TXNRD1: variants seen among roughly 807,000 people sequenced by gnomAD.
TXNRD1 encodes the protein thioredoxin reductase 1, also known as thioredoxin reductase 1, cytoplasmic.
TXNRD1 carries 57 observed loss-of-function variants against 80.3 expected under a neutral mutation model. That is an observed-to-expected ratio of 0.71 (90% confidence interval 0.57 to 0.89). TXNRD1 has a LOEUF of 0.89. Among genes scored for constraint, TXNRD1 ranks in the 40% least tolerant of loss-of-function variants. The pLI is 0.00. For synonymous variants in TXNRD1, 291 were observed against 285.2 expected (o/e 1.02, Z -0.20); for missense variants, 730 against 803.0 (o/e 0.91, Z 1.10).
At chr12:104,290,742 T>C (rs1462330240) in intron 4 of TXNRD1, among the ~76,000 whole-genome samples, 1 of 113,446 alleles carries the variant, frequency 8.8e-6, no homozygotes, top group Non-Finnish European at 1.8e-5. Context: ...TATATATATA[T>C]ATATATATAT....
intron 3 of TXNRD1, chr12:104,287,146 G>A: frequency 6.5e-7 from 1 of 1,534,688 alleles, no homozygotes; most frequent in Non-Finnish European, 8.7e-7. Flanking sequence ...ACAAAGCCGC[G>A]AGCCCAGGGA....
rs1378811279 is a variant in TXNRD1 at position 104,327,540 on chromosome 12, G to A, written c.1411G>A (p.Glu471Lys). 1.2e-6 allele frequency: 2 copies of A among 1,613,460 alleles called. No homozygotes were observed. The highest frequency in any genetic ancestry group is 2.7e-5 in the African/African-American group (2 of 74,990). Residue 471 changes from glutamate (E) to lysine (K), a missense_variant, in exon 13 of 17, where the codon GAA becomes AAA. Transcript: ENST00000525566. ...EKTGKIPVTD[E>K]EQTNVPYIYA... ...GACTGGAAAAATACCTGTCACAGAT[G>A]AAGAACAGACCAATGTGCCTTACAT...
intron 16 of TXNRD1, 148 bp from the exon 17 acceptor site, chr12:104,348,205 A>C (rs1262533795): frequency 1.0e-5 from 7 of 671,642 alleles, no homozygotes; most frequent in Non-Finnish European, 1.5e-5. Context: ...GAGAAATAGA[A>C]GATATCCTTG....
intron 1 of TXNRD1, among the ~76,000 whole-genome samples, chr12:104,227,530 G>A (rs2032499819): frequency 6.6e-6 from 1 of 152,140 alleles, no homozygotes; most frequent in Non-Finnish European, 1.5e-5. Flanking sequence ...GCCTCCCAAA[G>A]TGCTGTGATT....
chr12:104,342,879 G>A (rs775011479), intron 16 of TXNRD1, among the ~76,000 whole-genome samples: 2 of 152,158 alleles, frequency 1.3e-5, no homozygotes, highest in African/African-American at 2.4e-5. Context: ...ATCCAGTTAT[G>A]TGGCTGGTGA....
At chr12:104,333,158 A>G (rs1239387011) in intron 14 of TXNRD1, among the ~76,000 whole-genome samples, 1 of 151,990 alleles carries the variant, frequency 6.6e-6, no homozygotes, top group Non-Finnish European at 1.5e-5. Context: ...ACAGTTTTTC[A>G]TTATTATAAA....
At chr12:104,311,498 G>C (rs1279695853) in intron 5 of TXNRD1, 86 bp downstream of exon 5, 99 of 1,503,852 alleles carry the variant, frequency 6.6e-5, no homozygotes, top group Non-Finnish European at 8.1e-5. Context: ...TCCTCTCTCT[G>C]TGGAATTTAT....
Position 104,325,410 on chromosome 12 carries a change from T to A in TXNRD1, c.1289T>A (p.Ile430Asn). 1 of 1,612,438 alleles carries A rather than the reference T, an allele frequency of 6.2e-7. No homozygotes were observed. Among genetic ancestry groups the A allele is most frequent in the Non-Finnish European group, 8.5e-7 (1 of 1,178,962 alleles). ...VAQSTNSEEI[I>N]EGEYNTVMLA... The stretch of plus-strand genomic sequence containing the variant: ...CAGTCCACCAATAGTGAGGAAATCA[T>A]TGAAGGAGAATATAATACGGTAAGG... Residue 430 changes from isoleucine to asparagine, a missense_variant, in exon 11 of 17, where the codon ATT becomes AAT. By Grantham distance (149) the Ile-to-Asn change is moderately radical. Transcript: ENST00000525566.
intron 4 of TXNRD1, chr12:104,304,644 A>T (rs772102855): frequency 3.1e-6 from 5 of 1,613,912 alleles, no homozygotes; most frequent in Non-Finnish European, 3.4e-6. Flanking sequence ...AAGTATCCTG[A>T]TACTCCTGTG....
intron 1 of TXNRD1, among the ~76,000 whole-genome samples, chr12:104,242,726 G>T (rs373481309): frequency 6.6e-6 from 1 of 152,050 alleles, no homozygotes; most frequent in East Asian, 1.9e-4. Flanking sequence ...GAGACTCTTG[G>T]TGCTGAGTGA....
chr12:104,289,976 C>T (rs530602042), intron 4 of TXNRD1, among the ~76,000 whole-genome samples: 2 of 152,326 alleles, frequency 1.3e-5, no homozygotes, highest in South Asian at 2.1e-4. Flanking sequence ...GGGAACAGGA[C>T]ACCTGGGTGA....
chr12:104,300,091 C>T (rs922425796), intron 4 of TXNRD1, among the ~76,000 whole-genome samples: 2 of 152,182 alleles, frequency 1.3e-5, no homozygotes, highest in African/African-American at 4.8e-5. Flanking sequence ...ATAGTGGACT[C>T]GTGACTTCTT....
At chr12:104,284,534 T>A (rs1422276139) in intron 3 of TXNRD1, 1 of 152,252 alleles carries the variant, frequency 6.6e-6, no homozygotes, top group Non-Finnish European at 1.5e-5. Flanking sequence ...ATCAAACACC[T>A]GCATAAATTT....
rs747774973 is a variant in TXNRD1 at position 104,241,937 on chromosome 12, A to ATTTTTTTT, written c.92-9576_92-9569dup. The stretch of plus-strand genomic sequence containing the variant: ...ACATCTTTTATTTTTTATACTAATG[A>ATTTTTTTT]TTTTTTTTTTTTTTTTTTTTTGAGA... On this transcript the variant is annotated intron_variant, in intron 1 of 16. Transcript: ENST00000525566. Among the ~76,000 whole-genome samples the ATTTTTTTT allele has an allele frequency of 4.1e-3, 393 of 96,060 alleles. 6 individuals carry two copies. The highest frequency in any genetic ancestry group is 4.9e-3 in the Non-Finnish European group (261 of 53,754). The allele number at this position is 96,060 out of a possible 152,430, so 63.0% of individuals were successfully genotyped here.
At chr12:104,344,181 T>C (rs1367094072) in intron 16 of TXNRD1, among the ~76,000 whole-genome samples, 1 of 152,214 alleles carries the variant, frequency 6.6e-6, no homozygotes, top group African/African-American at 2.4e-5. Flanking sequence ...GTAGGAGAGT[T>C]CCTGGCATTT....
At chr12:104,304,952 G>A in intron 4 of TXNRD1, 1 of 1,549,954 alleles carries the variant, frequency 6.5e-7, no homozygotes, top group Non-Finnish European at 8.7e-7. Context: ...TCTTAGTATA[G>A]CATCCTTTTT....
chr12:104,266,825 G>A (rs1251608117), intron 3 of TXNRD1, among the ~76,000 whole-genome samples: 3 of 152,292 alleles, frequency 2.0e-5, no homozygotes, highest in East Asian at 1.9e-4. Context: ...AGCCGGGCGT[G>A]TTGGCGGGCA....
intron 3 of TXNRD1, among the ~76,000 whole-genome samples, chr12:104,269,587 G>C (rs1352051026): frequency 6.6e-6 from 1 of 151,622 alleles, no homozygotes; most frequent in Non-Finnish European, 1.5e-5. Context: ...TGTTGTTGTT[G>C]AGATGGAGTC....
chr12:104,287,107 C>T (rs1019247873), intron 3 of TXNRD1: 1 of 1,461,390 alleles, frequency 6.8e-7, no homozygotes, highest in South Asian at 1.4e-5. Context: ...TTCTCAAATT[C>T]TTGTAAGCTC....
Sources: allele counts gnomAD v4.1 joint callset (sites outside exome capture counted in the v4.1 genomes callset), GRCh38; gene constraint gnomAD v4.1.1; transcripts MANE v1.5; gene names NCBI Gene and HGNC (gene_info 2026-07-23, HGNC 2026-07-21).